HNRNPCL2: variants seen among roughly 807,000 people sequenced by gnomAD.
HNRNPCL2 encodes the protein heterogeneous nuclear ribonucleoprotein C-like 2.
A neutral mutation model predicts 18.2 loss-of-function variants in HNRNPCL2; 17 were observed. The observed-to-expected ratio is 0.94, with a 90% CI of 0.64 to 1.40. The LOEUF is 1.40. Ranked by LOEUF, HNRNPCL2 falls within the 40% of genes most tolerant of loss-of-function variation. The pLI is 0.00. For missense variants in HNRNPCL2, 358 were observed against 357.1 expected, an observed-to-expected ratio of 1.00 and a Z score of -0.02; for synonymous variants, 133 against 129.9, an observed-to-expected ratio of 1.02 and a Z score of -0.16.
In HNRNPCL2 at chr1:13,116,752, T is replaced by G. The variant is rs566276193; in HGVS notation, c.-182+41A>C. ...GTCACCGTTCTAGACCGGCTGACTG[T>G]AGGTCACATGGGAGTGTCCTTACAG... On this transcript the variant is annotated intron_variant, in intron 1 of 1. Transcript: ENST00000621994. 4 of 323,418 alleles carry G rather than the reference T, an allele frequency of 1.2e-5. No individual in the cohort carries two copies. The East Asian group carries it at 1.8e-4, about 14-fold the overall frequency. 20.0% of individuals were successfully genotyped at this position (323,418 alleles called of 1,614,324 possible).
chr1:13,116,612 A>T, intron 1 of HNRNPCL2, 31 bp from the exon 2 acceptor site: 1 of 1,033,100 alleles, frequency 9.7e-7, no homozygotes, highest in South Asian at 2.1e-5. Flanking sequence ...GCACAACAAC[A>T]TTTTTGAAAT....
chr1:13,115,929 T>A lies in HNRNPCL2; in HGVS notation c.472A>T (p.Ser158Cys). ...ISGNTSRRGK[S>C]GFNSKSGKRG... ...TTTCCACTCTTAGAATTGAAGCCAC[T>A]TTTGCCCCTTCGTGAGGTGTTTCCT... Residue 158 changes from serine to cysteine, a missense_variant, in exon 2 of 2, where the codon AGT becomes TGT. Ser to Cys is a moderately radical substitution (Grantham distance 112). Transcript: ENST00000621994. 6.2e-7 allele frequency: 1 copy of A among 1,612,972 alleles called. No homozygotes were observed. Among genetic ancestry groups the A allele is most frequent in the Non-Finnish European group, 8.5e-7 (1 of 1,179,660 alleles).
Position 13,115,737 on chromosome 1 carries a change from C to T in HNRNPCL2, c.664G>A (p.Glu222Lys), listed in dbSNP as rs760654788. Residue 222 changes from glutamate (E) to lysine (K), a missense_variant, in exon 2 of 2, where the codon GAG becomes AAG. Physicochemically the swap from Glu to Lys is moderately conservative, Grantham distance 56 (BLOSUM62 1). Transcript: ENST00000621994. ...EVEVKNAKSE[E>K]EQSSSSMKKD... ...TTCATGGAGCTACTGCTCTGCTCCT[C>T]TTCTGACTTAGCATTTTTCACCTCT... 3.1e-6 allele frequency: 5 copies of T among 1,613,522 alleles called. No individual in the cohort carries two copies. The highest frequency in any genetic ancestry group is 4.5e-5 in the East Asian group (2 of 44,880).
chr1:13,115,767 C>G lies in HNRNPCL2; in HGVS notation c.634G>C (p.Glu212Gln). The G allele has an allele frequency of 6.2e-7, 1 of 1,613,568 alleles. No homozygotes were observed. The highest frequency in any genetic ancestry group is 8.5e-7 in the Non-Finnish European group (1 of 1,179,960). The change falls in exon 2 of 2, where the codon GAG (glutamate) becomes CAG (glutamine). Residue 212 changes from glutamate to glutamine, a missense_variant. Physicochemically the swap from Glu to Gln is conservative, Grantham distance 29. Transcript: ENST00000621994. ...GACTTAGCATTTTTCACCTCTACCT[C>G]TTGTTTGCTCTGTTCCTTTTCAATT... ...EKIEKEQSKQ[E>Q]VEVKNAKSEE...
In HNRNPCL2 at chr1:13,115,764, C is replaced by T. The variant is rs756623106; in HGVS notation, c.637G>A (p.Val213Ile). Residue 213 changes from valine to isoleucine, a missense_variant, in exon 2 of 2, where the codon GTA (valine) becomes ATA (isoleucine). By Grantham distance (29) the Val-to-Ile change is conservative. Transcript: ENST00000621994. ...TCTGACTTAGCATTTTTCACCTCTA[C>T]CTCTTGTTTGCTCTGTTCCTTTTCA... is the stretch of plus-strand genomic sequence containing the variant. ...KIEKEQSKQE[V>I]EVKNAKSEEE... The T allele has an allele frequency of 7.4e-6, 12 of 1,613,552 alleles. No homozygotes were observed. The highest frequency in any genetic ancestry group is 1.0e-5 in the Non-Finnish European group (12 of 1,179,970).
chr1:13,116,618 G>C (rs1642832423), intron 1 of HNRNPCL2, 37 bp from the exon 2 acceptor site: 1 of 986,166 alleles, frequency 1.0e-6, no homozygotes, highest in Non-Finnish European at 1.4e-6. Context: ...CAACATTTTT[G>C]AAATCACGAC....
In HNRNPCL2 at chr1:13,115,871, C is replaced by A. The variant is rs374718007; in HGVS notation, c.530G>T (p.Gly177Val). ...RGSSKSGKLKGDDLQAIKQEL... is the reference protein window; with the variant it reads ...RGSSKSGKLKVDDLQAIKQEL... ...CTGCTTAATGGCCTGAAGGTCATCT[C>A]CTTTCAGCTTTCCAGACTTGGAAGA... Residue 177 changes from glycine (G) to valine (V), a missense_variant, in exon 2 of 2, where the codon GGA (glycine) becomes GTA (valine). By Grantham distance (109) the Gly-to-Val change is moderately radical. Coordinates refer to ENST00000621994, the MANE Select transcript of HNRNPCL2 (RefSeq NM_001136561.3). 2,915 of 1,613,038 alleles carry A rather than the reference C, an allele frequency of 1.8e-3. 23 individuals are homozygous for A. Among genetic ancestry groups the A allele is most frequent in the Non-Finnish European group, 2.1e-3 (2,517 of 1,179,692 alleles).
Position 13,115,943 on chromosome 1 carries a change from G to T in HNRNPCL2, c.458C>A (p.Ser153Ter), listed in dbSNP as rs1440529219. 1 of 1,612,856 alleles carries T rather than the reference G, an allele frequency of 6.2e-7. No homozygotes were observed. Residue 153 changes from serine to a stop codon, truncating the protein, a stop_gained, in exon 2 of 2, where the codon TCA becomes TAA. Coordinates refer to ENST00000621994, the MANE Select transcript of HNRNPCL2 (RefSeq NM_001136561.3). LOFTEE classifies it high-confidence loss of function. Reference sequence around the variant, plus strand: ...ATTGAAGCCACTTTTGCCCCTTCGTGAGGTGTTTCCTGATATGCGCTGGCG... The same window carrying T: ...ATTGAAGCCACTTTTGCCCCTTCGTTAGGTGTTTCCTGATATGCGCTGGCG... Reference protein sequence around the residue: ...SKRQRISGNTSRRGKSGFNSK... With the variant: ...SKRQRISGNT
In HNRNPCL2 at chr1:13,115,980, C is replaced by T. The variant is rs778565611; in HGVS notation, c.421G>A (p.Val141Met). Reference protein sequence around the residue: ...PPPPPIALAVVPSKRQRISGN... With the variant: ...PPPPPIALAVMPSKRQRISGN... ...GATATGCGCTGGCGTTTCGAGGGCA[C>T]TACAGCCAGAGCAATGGGAGGAGGA... The change falls in exon 2 of 2, where the codon GTG (valine) becomes ATG (methionine). Residue 141 changes from valine (V) to methionine (M), a missense_variant. Physicochemically the swap from Val to Met is conservative, Grantham distance 21 (BLOSUM62 1). Transcript: ENST00000621994. 2 of 1,613,240 alleles carry T rather than the reference C, an allele frequency of 1.2e-6. No homozygotes were observed. The highest frequency in any genetic ancestry group is 3.3e-5 in the Admixed American group (2 of 59,958).
rs781205974 is a variant in HNRNPCL2, at chr1:13,116,211, G to A, written c.190C>T (p.Arg64Trp). 8.7e-6 allele frequency: 14 copies of A among 1,611,820 alleles called. No individual in the cohort carries two copies. The highest frequency in any genetic ancestry group is 5.4e-5 in the African/African-American group (4 of 74,334). The change falls in exon 2 of 2, where the codon CGG (arginine) becomes TGG (tryptophan). Residue 64 changes from arginine (R) to tryptophan (W), a missense_variant. Arg to Trp is a moderately radical substitution (Grantham distance 101, BLOSUM62 -3). Transcript: ENST00000621994. ...FVQYDKEKNA[R>W]AAVAGEDGRM... is the part of the protein sequence containing the mutation. Reference sequence around the variant, plus strand: ...CCATCCTCTCCTGCTACAGCAGCCCGGGCATTTTTCTCCTTATCATATTGA... The same window carrying A: ...CCATCCTCTCCTGCTACAGCAGCCCAGGCATTTTTCTCCTTATCATATTGA...
chr1:13,115,648 C>G lies in HNRNPCL2; in HGVS notation c.753G>C (p.Gly251=). The change falls in exon 2 of 2, where the codon GGG becomes GGC. Residue 251 remains glycine, a synonymous_variant. Transcript: ENST00000621994. ...CATTATCATCATCATCCAGTGGGTC[C>G]CCCTCCTCAGCAGAGTCTTCTGCAC... ...EGGAEDSAEE[G]DPLDDDDNED... The G allele has an allele frequency of 6.2e-7, 1 of 1,613,566 alleles. No homozygotes were observed. Among genetic ancestry groups the G allele is most frequent in the African/African-American group, 1.3e-5 (1 of 74,610 alleles).
Position 13,115,609 on chromosome 1 carries a change from G to T in HNRNPCL2, c.792C>A (p.Asp264Glu), listed in dbSNP as rs552142397. 1.2e-6 allele frequency: 2 copies of T among 1,613,360 alleles called. No homozygotes were observed. Among genetic ancestry groups the T allele is most frequent in the African/African-American group, 2.7e-5 (2 of 74,476 alleles). Residue 264 changes from aspartate to glutamate, a missense_variant, in exon 2 of 2, where the codon GAC (aspartate) becomes GAA (glutamate). Asp to Glu is a conservative substitution (Grantham distance 45). Transcript: ENST00000621994. ...LDDDDNEDQGDNQLHLIKNNE... is the reference protein window; with the variant it reads ...LDDDDNEDQGENQLHLIKNNE... ...TATTCTTGATCAAATGAAGCTGGTT[G>T]TCCCCCTGATCTTCATTATCATCAT...
Position 13,115,809 on chromosome 1 carries a change from G to T in HNRNPCL2, c.592C>A (p.Leu198Met), listed in dbSNP as rs762563206. 3 of 1,613,286 alleles carry T rather than the reference G, an allele frequency of 1.9e-6. No individual in the cohort carries two copies. The highest frequency in any genetic ancestry group is 2.2e-5 in the South Asian group (2 of 91,046). Residue 198 changes from leucine (L) to methionine (M), a missense_variant, in exon 2 of 2, where the codon CTG (leucine) becomes ATG (methionine). Leu to Met is a conservative substitution (Grantham distance 15, BLOSUM62 2). Coordinates refer to ENST00000621994, the MANE Select transcript of HNRNPCL2 (RefSeq NM_001136561.3). ...TQIKQKVDSL[L>M]ENLEKIEKEQ... ...TTTTCAATTTTTTCCAGGTTTTCCA[G>T]GAGAGAATCCACTTTCTGTTTTATC... is the stretch of plus-strand genomic sequence containing the variant.
rs1278688325 is a variant in HNRNPCL2 at position 13,115,890 on chromosome 1, T to G, written c.511A>C (p.Lys171Gln). ...TCATCTCCTTTCAGCTTTCCAGACT[T>G]GGAAGATCCCCGCTTTCCACTCTTA... is the stretch of plus-strand genomic sequence containing the variant. ...NSKSGKRGSS[K>Q]SGKLKGDDLQ... Residue 171 changes from lysine to glutamine, a missense_variant, in exon 2 of 2, where the codon AAG becomes CAG. Transcript: ENST00000621994. The G allele has an allele frequency of 8.1e-6, 13 of 1,612,860 alleles. No homozygotes were observed. The Admixed American group carries it at 1.8e-4, about 23-fold the overall frequency.
rs1451808709 is a variant in HNRNPCL2 at position 13,116,521 on chromosome 1, A to T, written c.-121T>A. 2.8e-6 allele frequency: 4 copies of T among 1,429,892 alleles called. No individual in the cohort carries two copies. The highest frequency in any genetic ancestry group is 3.7e-6 in the Non-Finnish European group (4 of 1,077,376). 88.6% of individuals were successfully genotyped at this position (1,429,892 alleles called of 1,614,324 possible). The stretch of plus-strand genomic sequence containing the variant: ...GAGAAACTGACTGCGGCTCGAGGCC[A>T]GAAATGCAGCCAAAACAGCTCAGTC... On this transcript the variant is annotated 5_prime_UTR_variant, in exon 2 of 2. Transcript: ENST00000621994.
chr1:13,116,053 T>C lies in HNRNPCL2; in HGVS notation c.348A>G (p.Gln116=), dbSNP rs759371737. 1.2e-6 allele frequency: 2 copies of C among 1,613,392 alleles called. No individual in the cohort carries two copies. The highest frequency in any genetic ancestry group is 8.5e-7 in the Non-Finnish European group (1 of 1,179,886). ...TGTACATCCCATCATAATAATCCCG[T>C]TGAAAGCCATAGTCCAAGTCAAAAG... ...GSSFDLDYGF[Q]RDYYDGMYSF... The change falls in exon 2 of 2, where the codon CAA becomes CAG. Residue 116 remains glutamine (Q), a synonymous_variant. Transcript: ENST00000621994.
rs771956420 is a variant in HNRNPCL2, at chr1:13,116,314, C to T, written c.87G>A (p.Lys29=). 2 of 1,612,646 alleles carry T rather than the reference C, an allele frequency of 1.2e-6. No homozygotes were observed. Among genetic ancestry groups the T allele is most frequent in the Admixed American group, 3.3e-5 (2 of 59,882 alleles). ...AAAAGATCGCCTCCACATCAGATTTCTTGACAACAAGAGTGTTGAGATTCC... is the reference window on the plus strand; with the variant it reads ...AAAAGATCGCCTCCACATCAGATTTTTTGACAACAAGAGTGTTGAGATTCC... ...FIGNLNTLVV[K]KSDVEAIFSK... is the part of the protein sequence containing the mutation. Residue 29 remains lysine, a synonymous_variant, in exon 2 of 2, where the codon AAG becomes AAA. Transcript: ENST00000621994.
chr1:13,115,875 T>C lies in HNRNPCL2; in HGVS notation c.526A>G (p.Lys176Glu), dbSNP rs1399606284. ...KRGSSKSGKL[K>E]GDDLQAIKQE... The stretch of plus-strand genomic sequence containing the variant: ...TTAATGGCCTGAAGGTCATCTCCTT[T>C]CAGCTTTCCAGACTTGGAAGATCCC... The change falls in exon 2 of 2, where the codon AAA (lysine) becomes GAA (glutamate). Residue 176 changes from lysine (K) to glutamate (E), a missense_variant. Lys to Glu is a moderately conservative substitution (Grantham distance 56). Transcript: ENST00000621994. 6.2e-7 allele frequency: 1 copy of C among 1,613,096 alleles called. No homozygotes were observed. Among genetic ancestry groups the C allele is most frequent in the Non-Finnish European group, 8.5e-7 (1 of 1,179,704 alleles).
Position 13,115,614 on chromosome 1 carries a change from C to A in HNRNPCL2, c.787G>T (p.Gly263Trp), listed in dbSNP as rs776668828. ...TTGATCAAATGAAGCTGGTTGTCCC[C>A]CTGATCTTCATTATCATCATCATCC... ...PLDDDDNEDQ[G>W]DNQLHLIKNN... The change falls in exon 2 of 2, where the codon GGG (glycine) becomes TGG (tryptophan). Residue 263 changes from glycine to tryptophan, a missense_variant. Transcript: ENST00000621994. 12 of 1,613,612 alleles carry A rather than the reference C, an allele frequency of 7.4e-6. No homozygotes were observed. The South Asian group carries it at 1.3e-4, about 18-fold the overall frequency.
Sources: allele counts gnomAD v4.1 joint callset, GRCh38; gene constraint gnomAD v4.1.1; transcripts MANE v1.5; gene names NCBI Gene and HGNC (gene_info 2026-07-23, HGNC 2026-07-21).